CDH13: variants seen among roughly 807,000 people sequenced by gnomAD.
The protein encoded by CDH13 is cadherin-13.
A neutral mutation model predicts 63.8 loss-of-function variants in CDH13; 24 were observed. The ratio of observed to expected loss-of-function variants is 0.38; its 90% CI spans 0.27 to 0.53. The LOEUF is 0.53. Ranked by LOEUF, CDH13 falls within the 20% of genes least tolerant of loss-of-function variation. CDH13 has a pLI of 0.85. For synonymous variants in CDH13, 503 were observed against 355.3 expected, an observed-to-expected ratio of 1.42 and a Z score of -4.67; for missense variants, 1,049 against 903.1, an observed-to-expected ratio of 1.16 and a Z score of -2.07.
At chr16:83,256,776 C>T (rs944775280) in intron 5 of CDH13, among the ~76,000 whole-genome samples, 7 of 138,240 alleles carry the variant, frequency 5.1e-5, no homozygotes, top group Admixed American at 1.6e-4. Context: ...ACCCAGGAGG[C>T]GGAGCTTGCA....
intron 4 of CDH13, among the ~76,000 whole-genome samples, chr16:83,195,125 G>T (rs1202958943): frequency 1.3e-5 from 2 of 152,080 alleles, no homozygotes; most frequent in African/African-American, 4.8e-5. Flanking sequence ...GATGTTCTTT[G>T]TAGCTTTATT....
chr16:83,351,029 G>A (rs2151375057), intron 6 of CDH13, among the ~76,000 whole-genome samples: 1 of 152,324 alleles, frequency 6.6e-6, no homozygotes, highest in African/African-American at 2.4e-5. Context: ...AAAGATGGCT[G>A]GGATAGTTGA....
chr16:83,699,328 A>C (rs866423345), intron 10 of CDH13, among the ~76,000 whole-genome samples: 10 of 152,238 alleles, frequency 6.6e-5, no homozygotes, highest in South Asian at 6.2e-4. Flanking sequence ...ACAGCCACTG[A>C]GTGTGGGAGC....
At chr16:83,543,609 A>C (rs1359130824) in intron 7 of CDH13, among the ~76,000 whole-genome samples, 1 of 152,128 alleles carries the variant, frequency 6.6e-6, no homozygotes, top group Non-Finnish European at 1.5e-5. Context: ...ATTTTCACCT[A>C]AGTCAGTGGT....
chr16:83,695,332 C>T (rs1423773656), intron 10 of CDH13, among the ~76,000 whole-genome samples: 3 of 152,238 alleles, frequency 2.0e-5, no homozygotes, highest in African/African-American at 7.2e-5. Flanking sequence ...CGCTGCTGTG[C>T]GCAAGCTCCT....
chr16:83,065,730 A>C lies in CDH13; in HGVS notation c.366+33512A>C, dbSNP rs113676730. On this transcript the variant is annotated intron_variant, in intron 3 of 13. Coordinates refer to ENST00000567109, the MANE Select transcript of CDH13 (RefSeq NM_001257.5). ...AAAAAAAACAAAAAAACAAAAAAAC[A>C]AAAAAAAAAAAACAAGACTACTTTT... Among the ~76,000 whole-genome samples the C allele has an allele frequency of 5.0e-4, 13 of 25,926 alleles. No individual in the cohort carries two copies. The East Asian group carries it at 0.027, about 54-fold the overall frequency. The allele number at this position is 25,926 out of a possible 152,430, so 17.0% of individuals were successfully genotyped here.
intron 4 of CDH13, among the ~76,000 whole-genome samples, chr16:83,182,983 A>G (rs932858811): frequency 6.6e-6 from 1 of 152,126 alleles, no homozygotes; most frequent in South Asian, 2.1e-4. Context: ...GATTCACAGT[A>G]AAAAAGAATA....
In CDH13 at chr16:82,692,618, A is replaced by T. The variant is rs928323445; in HGVS notation, c.45+65481A>T. On this transcript the variant is annotated intron_variant, in intron 1 of 13. Transcript: ENST00000567109. ...AGCTACAATTCAAGATGAGATTTGA[A>T]TGGGAGCCCAGCCAGACCACATCAG... Among the ~76,000 whole-genome samples, 3 of 152,312 alleles carry T rather than the reference A, an allele frequency of 2.0e-5. No individual in the cohort carries two copies. In the East Asian group the frequency reaches 5.8e-4, roughly 29 times the overall value.
chr16:82,651,193 A>C (rs1910680709), intron 1 of CDH13, among the ~76,000 whole-genome samples: 1 of 152,258 alleles, frequency 6.6e-6, no homozygotes, highest in African/African-American at 2.4e-5. Flanking sequence ...TAATTTAATG[A>C]CATTTTAACA....
At chr16:82,794,895 C>G (rs1212001678) in intron 1 of CDH13, among the ~76,000 whole-genome samples, 11 of 152,150 alleles carry the variant, frequency 7.2e-5, no homozygotes, top group Admixed American at 7.2e-4. Flanking sequence ...GGCACAAAAG[C>G]AACTTGTTTC....
At chr16:82,794,390 G>C (rs573085350) in intron 1 of CDH13, among the ~76,000 whole-genome samples, 7 of 115,462 alleles carry the variant, frequency 6.1e-5, no homozygotes, top group Non-Finnish European at 1.5e-4. Flanking sequence ...CTGAACATCA[G>C]AAAGGAATTT....
intron 5 of CDH13, among the ~76,000 whole-genome samples, chr16:83,284,064 C>T (rs2089249539): frequency 6.6e-6 from 1 of 152,222 alleles, no homozygotes; most frequent in African/African-American, 2.4e-5. Context: ...CCCCTGTAGT[C>T]TGTGTGTTAT....
intron 3 of CDH13, among the ~76,000 whole-genome samples, chr16:83,035,393 A>G (rs540631727): frequency 2.6e-5 from 4 of 152,274 alleles, no homozygotes; most frequent in African/African-American, 9.6e-5. Flanking sequence ...TGGTCCTCAA[A>G]GCACCAACCA....
intron 7 of CDH13, among the ~76,000 whole-genome samples, chr16:83,594,327 C>A (rs574937689): frequency 2.0e-5 from 3 of 152,236 alleles, no homozygotes; most frequent in African/African-American, 4.8e-5. Context: ...TATTCTCCCC[C>A]ACTTTACAGA....
intron 1 of CDH13, among the ~76,000 whole-genome samples, chr16:82,664,017 G>T (rs1912293188): frequency 6.6e-6 from 1 of 152,166 alleles, no homozygotes; most frequent in Non-Finnish European, 1.5e-5. Context: ...TGTAGCTGTG[G>T]ACCACGAGGC....
chr16:83,173,959 C>T (rs573926588), intron 4 of CDH13, among the ~76,000 whole-genome samples: 2 of 152,192 alleles, frequency 1.3e-5, no homozygotes, highest in Non-Finnish European at 2.9e-5. Flanking sequence ...TATTTCAAAG[C>T]CAGTATCACA....
intron 6 of CDH13, among the ~76,000 whole-genome samples, chr16:83,455,783 G>A (rs932678925): frequency 2.6e-5 from 4 of 152,172 alleles, no homozygotes; most frequent in Non-Finnish European, 5.9e-5. Flanking sequence ...GCAGGGCCAG[G>A]GCAGCATCTC....
intron 2 of CDH13, among the ~76,000 whole-genome samples, chr16:82,956,170 A>C (rs564691623): frequency 3.8e-4 from 58 of 151,450 alleles, no homozygotes; most frequent in African/African-American, 1.3e-3. Flanking sequence ...CCAAAACCAC[A>C]AACATGGGCA....
intron 6 of CDH13, among the ~76,000 whole-genome samples, chr16:83,350,643 C>A (rs760734981): frequency 6.6e-6 from 1 of 152,136 alleles, no homozygotes; most frequent in Non-Finnish European, 1.5e-5. Context: ...CTGGACCTGG[C>A]AGGTGCTGCT....
Sources: gnomAD v4.1 joint callset for allele counts (sites outside exome capture counted in the v4.1 genomes callset) on GRCh38, gnomAD v4.1.1 for gene constraint, MANE v1.5 for transcripts, NCBI Gene and HGNC (gene_info 2026-07-23, HGNC 2026-07-21) for gene names.